Variants in COX7B2 observed in about 807,000 individuals in gnomAD.
COX7B2 encodes the protein cytochrome c oxidase subunit 7B2, mitochondrial.
For synonymous variants in COX7B2, 37 were observed against 32.1 expected, an observed-to-expected ratio of 1.15 and a Z score of -0.51; for missense variants, 109 against 95.9, an observed-to-expected ratio of 1.14 and a Z score of -0.57.
chr4:46,812,950 A>T (rs1719362004), intron 2 of COX7B2, among the ~76,000 whole-genome samples: 1 of 152,048 alleles, frequency 6.6e-6, no homozygotes, highest in East Asian at 1.9e-4. Flanking sequence ...GCAGGGGGTT[A>T]CTGCTCCAGT....
intron 2 of COX7B2, among the ~76,000 whole-genome samples, chr4:46,832,011 A>C (rs1577627161): frequency 6.6e-6 from 1 of 152,200 alleles, no homozygotes; most frequent in East Asian, 1.9e-4. Flanking sequence ...CACCCTGTTA[A>C]AACAGACCAA....
Position 46,852,139 on chromosome 4 carries a change from T to C in COX7B2, c.-104-7125A>G, listed in dbSNP as rs577896496. On this transcript the variant is annotated intron_variant, in intron 1 of 2. Coordinates refer to ENST00000355591, the MANE Select transcript of COX7B2 (RefSeq NM_130902.3). ...TTAAAATTCTACTGTGAAAAGGGGT[T>C]GTCTCTTTTCCCTCATGTATTTATT... Among the ~76,000 whole-genome samples the C allele has an allele frequency of 2.0e-4, 30 of 152,194 alleles. No homozygotes were observed. In the South Asian group the frequency reaches 6.0e-3, roughly 30 times the overall value.
intron 2 of COX7B2, among the ~76,000 whole-genome samples, chr4:46,744,482 A>G (rs1714901501): frequency 6.6e-6 from 1 of 152,060 alleles, no homozygotes; most frequent in African/African-American, 2.4e-5. Context: ...AGCAGAACCT[A>G]GACCAAACCC....
chr4:46,760,000 A>G (rs996134630), intron 2 of COX7B2, among the ~76,000 whole-genome samples: 1 of 151,960 alleles, frequency 6.6e-6, no homozygotes, highest in Non-Finnish European at 1.5e-5. Context: ...AAGAAAGAAT[A>G]TTACCGTAAC....
At chr4:46,833,069 C>A (rs1203442948) in intron 2 of COX7B2, among the ~76,000 whole-genome samples, 1 of 152,102 alleles carries the variant, frequency 6.6e-6, no homozygotes, top group Non-Finnish European at 1.5e-5. Flanking sequence ...CGGTGCCCGG[C>A]TAATTTTGTA....
In COX7B2 at chr4:46,867,896, A is replaced by T. The variant is rs551162308; in HGVS notation, c.-104-22882T>A. ...AGGATTACACTGGCTTCACAGAAAG[A>T]GTTGGGGAGGAGTCCCTCCTCCTCA... On this transcript the variant is annotated intron_variant, in intron 1 of 2. Transcript: ENST00000355591. Among the ~76,000 whole-genome samples, 11 of 152,296 alleles carry T rather than the reference A, an allele frequency of 7.2e-5. No individual in the cohort carries two copies. The South Asian group carries it at 1.9e-3, about 26-fold the overall frequency.
intron 2 of COX7B2, among the ~76,000 whole-genome samples, chr4:46,746,130 T>C (rs1715010603): frequency 1.3e-5 from 2 of 152,200 alleles, no homozygotes; most frequent in African/African-American, 4.8e-5. Flanking sequence ...TAAAAAACCA[T>C]CAGATCTGAA....
chr4:46,883,777 A>T (rs1017173089), intron 1 of COX7B2, among the ~76,000 whole-genome samples: 7 of 80,402 alleles, frequency 8.7e-5, no homozygotes, highest in Admixed American at 5.1e-4. Flanking sequence ...ATAAACCTTT[A>T]AAAAAAAAAA....
At chr4:46,822,214 A>G (rs1302656336) in intron 2 of COX7B2, among the ~76,000 whole-genome samples, 1 of 152,106 alleles carries the variant, frequency 6.6e-6, no homozygotes, top group Non-Finnish European at 1.5e-5. Context: ...CCCAGCCTCA[A>G]TTGTTTCCAA....
Position 46,818,335 on chromosome 4 carries a change from G to T in COX7B2, c.-50+26625C>A, listed in dbSNP as rs1415321796. On this transcript the variant is annotated intron_variant, in intron 2 of 2. Coordinates refer to ENST00000355591, the MANE Select transcript of COX7B2 (RefSeq NM_130902.3). ...ACTTGATAAAGAATACATGAACATA[G>T]AAAACAGACTACTGGAAGCCGGGCG... Among the ~76,000 whole-genome samples the T allele has an allele frequency of 5.3e-5, 8 of 152,172 alleles. No homozygotes were observed. The East Asian group carries it at 1.4e-3, about 26-fold the overall frequency.
At chr4:46,863,010 T>TA (rs1444134463) in intron 1 of COX7B2, among the ~76,000 whole-genome samples, 12 of 152,152 alleles carry the variant, frequency 7.9e-5, no homozygotes, top group African/African-American at 2.4e-4. Context: ...TTCTCATCTT[T>TA]AAAATGCTAA....
chr4:46,744,199 A>G (rs567492723), intron 2 of COX7B2, among the ~76,000 whole-genome samples: 3 of 151,904 alleles, frequency 2.0e-5, no homozygotes, highest in African/African-American at 7.2e-5. Context: ...TCCTCCGAGA[A>G]GGATCCCCAG....
At chr4:46,749,537 A>G (rs1715222639) in intron 2 of COX7B2, among the ~76,000 whole-genome samples, 4 of 152,166 alleles carry the variant, frequency 2.6e-5, no homozygotes, top group Non-Finnish European at 5.9e-5. Context: ...TGTAGTATAA[A>G]TAGTGTTATG....
chr4:46,803,815 C>T (rs1228890828), intron 2 of COX7B2, among the ~76,000 whole-genome samples: 1 of 151,314 alleles, frequency 6.6e-6, no homozygotes, highest in Admixed American at 6.6e-5. Flanking sequence ...GTTTATCCGT[C>T]CCCAACCTAA....
intron 1 of COX7B2, among the ~76,000 whole-genome samples, chr4:46,907,383 A>C (rs1232923694): frequency 6.6e-6 from 1 of 152,186 alleles, no homozygotes; most frequent in South Asian, 2.1e-4. Flanking sequence ...TTAACAATGA[A>C]GCATAAATTT....
Position 46,827,103 on chromosome 4 carries a change from G to A in COX7B2, c.-50+17857C>T, listed in dbSNP as rs562642014. Among the ~76,000 whole-genome samples the A allele has an allele frequency of 1.9e-4, 29 of 152,018 alleles. 1 individual carries two copies. Among genetic ancestry groups the A allele is most frequent in the African/African-American group, 6.3e-4 (26 of 41,506 alleles). The stretch of plus-strand genomic sequence containing the variant: ...AACAATAAAGGTTCAGAGACTTGAG[G>A]GATAATATCAAATGATTCAACATTT... On this transcript the variant is annotated intron_variant, in intron 2 of 2. Coordinates refer to ENST00000355591, the MANE Select transcript of COX7B2 (RefSeq NM_130902.3).
At chr4:46,777,410 G>A (rs923025671) in intron 2 of COX7B2, among the ~76,000 whole-genome samples, 17 of 152,092 alleles carry the variant, frequency 1.1e-4, no homozygotes, top group African/African-American at 3.9e-4. Context: ...GATGAAGGCG[G>A]TGGTGGTGAG....
At chr4:46,768,697 T>C (rs1209931429) in intron 2 of COX7B2, among the ~76,000 whole-genome samples, 1 of 151,990 alleles carries the variant, frequency 6.6e-6, no homozygotes, top group Non-Finnish European at 1.5e-5. Flanking sequence ...AAGAATAAAC[T>C]AAGCTGCTAG....
intron 2 of COX7B2, among the ~76,000 whole-genome samples, chr4:46,769,689 T>C (rs1038991847): frequency 6.6e-6 from 1 of 152,132 alleles, no homozygotes; most frequent in African/African-American, 2.4e-5. Flanking sequence ...CACTCCATCA[T>C]GGGTGACAGA....
Sources: allele counts gnomAD v4.1 joint callset (sites outside exome capture counted in the v4.1 genomes callset), GRCh38; gene constraint gnomAD v4.1.1; transcripts MANE v1.5; gene names NCBI Gene and HGNC (gene_info 2026-07-23, HGNC 2026-07-21).